MYH7B: variants seen among roughly 807,000 people sequenced by gnomAD.
MYH7B encodes myosin-7B.
A neutral mutation model predicts 234.5 loss-of-function variants in MYH7B; 205 were observed. The observed-to-expected ratio is 0.87, with a 90% CI of 0.78 to 0.98. MYH7B has a LOEUF of 0.98. MYH7B is among the 50% of genes least tolerant of loss of function. The pLI is 0.00. For missense variants in MYH7B, 2,652 were observed against 2,633.4 expected, an observed-to-expected ratio of 1.01 and a Z score of -0.15; for synonymous variants, 1,193 against 1,105.0, an observed-to-expected ratio of 1.08 and a Z score of -1.58.
At chr20:34,999,464 T>G in intron 36 of MYH7B, 59 bp downstream of exon 36, 1 of 1,522,134 alleles carries the variant, frequency 6.6e-7, no homozygotes, top group Non-Finnish European at 8.8e-7. Context: ...CAACTTTGAG[T>G]TATGGGGGTG....
intron 2 of MYH7B, among the ~76,000 whole-genome samples, chr20:34,968,797 G>A (rs577404284): frequency 6.6e-6 from 1 of 152,330 alleles, no homozygotes; most frequent in South Asian, 2.1e-4. Context: ...GCCTACCTAA[G>A]TATGCACAGC....
chr20:34,965,773 G>A (rs534448442), intron 2 of MYH7B, among the ~76,000 whole-genome samples: 1 of 152,334 alleles, frequency 6.6e-6, no homozygotes, highest in South Asian at 2.1e-4. Flanking sequence ...CCATGCCCCA[G>A]TTTGGGGAAA....
At chr20:35,000,792 A>C in exon 40 of MYH7B, 2 of 1,613,814 alleles carry the variant, frequency 1.2e-6, no homozygotes, top group East Asian at 4.5e-5. Context: ...AAACCAGAAG[A>C]AGAAGCTGGA....
At chr20:34,989,919 G>A (rs2082109851) in exon 20 of MYH7B, 2 of 1,613,918 alleles carry the variant, frequency 1.2e-6, no homozygotes, top group Middle Eastern at 3.3e-4. Context: ...ACGCAGGCGT[G>A]GTAGGTGCTT....
rs745535104 is a variant in MYH7B at position 34,995,517 on chromosome 20, T to G, written c.2882T>G (p.Ile961Ser). Residue 961 changes from isoleucine to serine, a missense_variant, in exon 28 of 45, where the codon ATT (isoleucine) becomes AGT (serine). This residue lies in a region of MYH7B where 2,279 missense variants were observed against 2,211.4 expected (regional missense o/e 1.03). Coordinates refer to ENST00000262873, the Ensembl canonical transcript of MYH7B. ...GAGTGCACGGAGCTCAAGAAGGACA[T>G]TGATGACCTGGAGCTGACACTGGCC... 2 of 1,614,012 alleles carry G rather than the reference T, an allele frequency of 1.2e-6. No individual in the cohort carries two copies. The highest frequency in any genetic ancestry group is 2.2e-5 in the South Asian group (2 of 91,086).
chr20:34,962,265 A>G (rs2081705166), intron 2 of MYH7B, among the ~76,000 whole-genome samples: 1 of 152,176 alleles, frequency 6.6e-6, no homozygotes, highest in African/African-American at 2.4e-5. Flanking sequence ...ACATTCATGT[A>G]CAGGTTTTTG....
At position 34,984,877 on chromosome 20, in the gene MYH7B, C is replaced by T. The variant is rs754228445; in HGVS notation, c.672C>T (p.Ile224=). The stretch of plus-strand genomic sequence containing the variant: ...AGGGCACCCTTGAGGATCAAATCAT[C>T]GAGGCCAACCCTGCCATGGAGGCCT... The change falls in exon 12 of 45, where the codon ATC becomes ATT. Residue 224 remains isoleucine, a synonymous_variant. Coordinates refer to ENST00000262873, the Ensembl canonical transcript of MYH7B. The T allele has an allele frequency of 6.8e-6, 11 of 1,614,050 alleles. No individual in the cohort carries two copies. In the South Asian group the frequency reaches 7.7e-5, roughly 11 times the overall value.
intron 24 of MYH7B, 123 bp from the exon 25 acceptor site, chr20:34,992,979 A>G: frequency 8.0e-7 from 1 of 1,250,086 alleles, no homozygotes; most frequent in East Asian, 2.4e-5. Flanking sequence ...CCAGCCTCGG[A>G]GAGGCCCAGG....
intron 10 of MYH7B, 95 bp downstream of exon 10, chr20:34,982,650 T>A: frequency 1.8e-6 from 2 of 1,127,884 alleles, no homozygotes; most frequent in East Asian, 2.6e-5. Flanking sequence ...TTTTTAAAAA[T>A]TTTACTCCCC....
chr20:34,998,995 A>T, intron 35 of MYH7B, 61 bp from the exon 36 acceptor site: 1 of 1,581,468 alleles, frequency 6.3e-7, no homozygotes, highest in South Asian at 1.2e-5. Flanking sequence ...GGGTGAAGGG[A>T]GCTGCTGGGG....
chr20:34,985,900 GAC>G lies in MYH7B; in HGVS notation c.806-196_806-195del, dbSNP rs1281511616. On this transcript the variant is annotated intron_variant, in intron 13 of 44. Transcript: ENST00000262873. ...ACACACACTGACCCATCTGGCCAGAGACACAGACACACAGGTACAGACACACG... is the reference window on the plus strand; with the variant it reads ...ACACACACTGACCCATCTGGCCAGAGACAGACACACAGGTACAGACACACG... 7.9e-5 allele frequency among the ~76,000 whole-genome samples: 12 copies of G among 152,252 alleles called. No individual in the cohort carries two copies. The South Asian group carries it at 1.7e-3, about 21-fold the overall frequency.
At chr20:34,986,172 T>G (rs758183416) in exon 14 of MYH7B, 1 of 1,598,302 alleles carries the variant, frequency 6.3e-7, no homozygotes, top group Non-Finnish European at 8.5e-7. Context: ...TACCAGATCC[T>G]CTCAGGGAGG....
At chr20:34,993,296 T>C (rs769377011) in intron 25 of MYH7B, 38 bp from the exon 26 acceptor site, 14 of 1,613,948 alleles carry the variant, frequency 8.7e-6, no homozygotes, top group Non-Finnish European at 1.1e-5. Flanking sequence ...ATGCGGATGG[T>C]TGGGGGTTAC....
intron 10 of MYH7B, among the ~76,000 whole-genome samples, chr20:34,984,374 C>T (rs1429181977): frequency 1.3e-5 from 2 of 152,200 alleles, no homozygotes; most frequent in Non-Finnish European, 2.9e-5. Context: ...AGATTTTAGT[C>T]GGGAGGCCCC....
chr20:34,980,838 C>A, intron 8 of MYH7B, 104 bp downstream of exon 8: 2 of 1,527,252 alleles, frequency 1.3e-6, no homozygotes, highest in South Asian at 1.2e-5. Context: ...CCCCTTTTGA[C>A]GCTGCTGGAC....
intron 30 of MYH7B, 125 bp downstream of exon 30, chr20:34,996,883 T>C (rs1600467021): frequency 7.2e-7 from 1 of 1,396,042 alleles, no homozygotes; most frequent in East Asian, 2.4e-5. Context: ...GATGGGGCAC[T>C]GGGGTGCAGG....
chr20:34,990,801 GT>G lies in MYH7B; in HGVS notation c.2042del (p.Val681AlafsTer52). The G allele has an allele frequency of 3.1e-6, 5 of 1,614,132 alleles. No individual in the cohort carries two copies. The highest frequency in any genetic ancestry group is 4.2e-6 in the Non-Finnish European group (5 of 1,180,030). ...ACAGCCCCACTTCGTCCGCTGCATT[GT>G]CCCCAACGAGAACAAAACCCCAGGT... On this transcript the variant is annotated frameshift_variant, in exon 23 of 45. Coordinates refer to ENST00000262873, the Ensembl canonical transcript of MYH7B. LOFTEE classifies it high-confidence loss of function.
At chr20:34,958,760 G>A (rs1001637283) in intron 2 of MYH7B, among the ~76,000 whole-genome samples, 2 of 152,264 alleles carry the variant, frequency 1.3e-5, no homozygotes, top group African/African-American at 2.4e-5. Flanking sequence ...CACCGTGCCC[G>A]GCCTTGTATT....
At chr20:34,975,865 G>A (rs1299766645) in intron 3 of MYH7B, among the ~76,000 whole-genome samples, 6 of 152,096 alleles carry the variant, frequency 3.9e-5, no homozygotes, top group East Asian at 3.9e-4. Flanking sequence ...ACAGGCGCCC[G>A]CCACCACCTC....
Sources: allele counts gnomAD v4.1 joint callset (sites outside exome capture counted in the v4.1 genomes callset), GRCh38; gene constraint gnomAD v4.1.1; regional missense constraint gnomAD v4.1.1; transcripts MANE v1.5; gene names NCBI Gene and HGNC (gene_info 2026-07-23, HGNC 2026-07-21).